Variants in ZGRF1 observed in about 807,000 individuals in gnomAD.
ZGRF1 encodes the protein zinc finger GRF-type containing 1, also known as 5'-3' DNA helicase ZGRF1.
A neutral mutation model predicts 203.5 loss-of-function variants in ZGRF1; 196 were observed. That is an observed-to-expected ratio of 0.96 (90% CI 0.86 to 1.08). The LOEUF (loss-of-function observed/expected upper bound fraction) is 1.08. ZGRF1 is among the 50% of genes least tolerant of loss of function. ZGRF1 has a pLI of 0.00. For missense variants in ZGRF1, 2,326 were observed against 2,416.3 expected (o/e 0.96, Z 0.78); for synonymous variants, 809 against 841.3 (o/e 0.96, Z 0.66).
At chr4:112,627,817 G>A (rs929321166) in intron 3 of ZGRF1, among the ~76,000 whole-genome samples, 5 of 152,198 alleles carry the variant, frequency 3.3e-5, no homozygotes, top group African/African-American at 1.2e-4. Flanking sequence ...TCCTGGGGCT[G>A]AGCATACAAA....
intron 3 of ZGRF1, chr4:112,630,020 A>C (rs1440516020): frequency 5.2e-6 from 1 of 192,048 alleles, no homozygotes; most frequent in Non-Finnish European, 1.1e-5. Context: ...CTCTGTCTAA[A>C]AAAAGAAAAA....
At chr4:112,557,992 T>C (rs896841764) in intron 20 of ZGRF1, among the ~76,000 whole-genome samples, 158 bp downstream of exon 20, 1 of 152,214 alleles carries the variant, frequency 6.6e-6, no homozygotes, top group Non-Finnish European at 1.5e-5. Context: ...AATTAGCCCA[T>C]TACTGTTTCA....
Position 112,633,187 on chromosome 4 carries a change from G to A in ZGRF1, c.-11C>T. 1 of 1,607,386 alleles carries A rather than the reference G, an allele frequency of 6.2e-7. No individual in the cohort carries two copies. On this transcript the variant is annotated 5_prime_UTR_variant, in exon 2 of 28. Coordinates refer to ENST00000505019, the MANE Select transcript of ZGRF1 (RefSeq NM_018392.5). ...TTCTTGGCTTTCCATTATTTCTTCT[G>A]AAGTTATAAACCAGCTGGGTCCAGA...
intron 16 of ZGRF1, among the ~76,000 whole-genome samples, chr4:112,567,594 AG>A (rs1743362348): frequency 6.6e-6 from 1 of 152,192 alleles, no homozygotes; most frequent in African/African-American, 2.4e-5. Context: ...CAAAACAGTG[AG>A]GCCTCATCTC....
In ZGRF1 at chr4:112,618,874, A is replaced by T. The variant is rs2046973400; in HGVS notation, c.1168T>A (p.Ser390Thr). 2 of 1,613,466 alleles carry T rather than the reference A, an allele frequency of 1.2e-6. No individual in the cohort carries two copies. The highest frequency in any genetic ancestry group is 2.2e-5 in the South Asian group (2 of 91,074). ...CAGGATGGATCATTATTACCGACTGACTGGTCTACATTATACTTTTTCCTC... is the reference window on the plus strand; with the variant it reads ...CAGGATGGATCATTATTACCGACTGTCTGGTCTACATTATACTTTTTCCTC... ...EERKKYNVDQ[S>T]VGNNDPSWNQ... The change falls in exon 6 of 28, where the codon TCA (serine) becomes ACA (threonine). Residue 390 changes from serine to threonine, a missense_variant. Transcript: ENST00000505019.
At chr4:112,635,037 G>A (rs1312293342) in intron 1 of ZGRF1, among the ~76,000 whole-genome samples, 1 of 151,404 alleles carries the variant, frequency 6.6e-6, no homozygotes. Context: ...GGCTGAGGCA[G>A]GAGAATTGCT....
rs779567307 is a variant in ZGRF1, at chr4:112,587,305, T to TA, written c.3751dup (p.Tyr1251LeufsTer15). On this transcript the variant is annotated frameshift_variant, in exon 12 of 28. Transcript: ENST00000505019. LOFTEE classifies it high-confidence loss of function. ...CTGTAAATCCTTTACACTGTAGTTG[T>TA]AGCAGGTAGACCCTCCTAATACATT... is the stretch of plus-strand genomic sequence containing the variant. The TA allele has an allele frequency of 5.5e-5, 89 of 1,611,326 alleles. No individual in the cohort carries two copies. Among genetic ancestry groups the TA allele is most frequent in the Non-Finnish European group, 7.1e-5 (84 of 1,179,100 alleles).
chr4:112,585,874 AT>A (rs1414391783), intron 13 of ZGRF1, 149 bp from the exon 14 acceptor site: 4 of 463,332 alleles, frequency 8.6e-6, no homozygotes, highest in Non-Finnish European at 1.4e-5. Context: ...TTTCTGCTAA[AT>A]TTAACAGGTC....
chr4:112,601,346 T>C (rs1314341406), intron 10 of ZGRF1, among the ~76,000 whole-genome samples: 3 of 151,892 alleles, frequency 2.0e-5, no homozygotes, highest in Non-Finnish European at 2.9e-5. Context: ...GGCTAGGAGT[T>C]TGAGAACAAC....
intron 16 of ZGRF1, chr4:112,564,995 G>C (rs955936099): frequency 2.2e-6 from 2 of 905,312 alleles, no homozygotes; most frequent in Non-Finnish European, 3.8e-6. Flanking sequence ...ACCATGGCTC[G>C]TACAAGGCAG....
intron 2 of ZGRF1, 36 bp from the exon 3 acceptor site, chr4:112,632,046 T>TTA (rs2047428414): frequency 9.8e-7 from 1 of 1,020,758 alleles, no homozygotes. Context: ...TGGTTTCCAT[T>TTA]TATATATATT....
intron 1 of ZGRF1, among the ~76,000 whole-genome samples, chr4:112,634,600 G>A (rs1198913265): frequency 3.3e-5 from 5 of 151,682 alleles, no homozygotes; most frequent in African/African-American, 9.7e-5. Context: ...GCAGTGAGCC[G>A]AGATCACGCC....
chr4:112,576,394 G>C (rs1224341193), intron 16 of ZGRF1, among the ~76,000 whole-genome samples: 1 of 152,196 alleles, frequency 6.6e-6, no homozygotes, highest in Non-Finnish European at 1.5e-5. Context: ...AAGGAACGCA[G>C]CTCCTCACCA....
At chr4:112,555,508 C>T (rs1033596731) in intron 20 of ZGRF1, among the ~76,000 whole-genome samples, 1 of 152,148 alleles carries the variant, frequency 6.6e-6, no homozygotes. Context: ...AGTGTCAATA[C>T]ATGAAAAGAT....
At chr4:112,565,641 A>G (rs562174092) in intron 16 of ZGRF1, among the ~76,000 whole-genome samples, 73 of 152,232 alleles carry the variant, frequency 4.8e-4, no homozygotes, top group African/African-American at 1.8e-3. Context: ...AACTCCAACA[A>G]ATTTATAAGA....
At chr4:112,576,369 G>A (rs1410728482) in intron 16 of ZGRF1, among the ~76,000 whole-genome samples, 3 of 152,140 alleles carry the variant, frequency 2.0e-5, no homozygotes, top group Non-Finnish European at 2.9e-5. Context: ...AAATCAGAGC[G>A]CCTCTCCTCC....
At chr4:112,592,832 C>G (rs547089790) in intron 10 of ZGRF1, among the ~76,000 whole-genome samples, 2 of 152,168 alleles carry the variant, frequency 1.3e-5, no homozygotes, top group African/African-American at 4.8e-5. Context: ...AAGCCTTAAC[C>G]TCCAATGTGA....
At chr4:112,596,897 G>A (rs1289251847) in intron 10 of ZGRF1, among the ~76,000 whole-genome samples, 3 of 152,084 alleles carry the variant, frequency 2.0e-5, no homozygotes, top group Non-Finnish European at 4.4e-5. Flanking sequence ...ACTGTGCATG[G>A]CCAGGAATTT....
intron 17 of ZGRF1, 136 bp downstream of exon 17, chr4:112,562,995 A>G: frequency 1.8e-6 from 1 of 565,164 alleles, no homozygotes; most frequent in Admixed American, 3.3e-5. Flanking sequence ...TCAACTTCAT[A>G]CACATTTTCA....
Sources: allele counts gnomAD v4.1 joint callset (sites outside exome capture counted in the v4.1 genomes callset), GRCh38; gene constraint gnomAD v4.1.1; transcripts MANE v1.5; gene names NCBI Gene and HGNC (gene_info 2026-07-23, HGNC 2026-07-21).